The following SLC22A14 variants were observed in gnomAD, a reference collection of about 807,000 sequenced individuals.
The protein encoded by SLC22A14 is solute carrier family 22 member 14, also known as organic cation transporter-like 4.
In SLC22A14, 50 loss-of-function variants were observed where a neutral mutation model predicts 53.9. That is an observed-to-expected ratio of 0.93 (90% CI 0.74 to 1.17). The LOEUF (loss-of-function observed/expected upper bound fraction) is 1.17, where lower values mean the gene tolerates loss of function less well. SLC22A14 is among the 50% of genes most tolerant of loss of function. SLC22A14 has a pLI of 0.00. For missense variants in SLC22A14, 671 were observed against 734.7 expected, an observed-to-expected ratio of 0.91 and a Z score of 1.00; for synonymous variants, 312 against 303.0, an observed-to-expected ratio of 1.03 and a Z score of -0.31.
upstream of SLC22A14, among the ~76,000 whole-genome samples, chr3:38,279,192 C>T (rs530616501): frequency 1.2e-3 from 183 of 152,318 alleles, 1 homozygote; most frequent in Non-Finnish European, 2.2e-3. Flanking sequence ...CTTTGAAGTG[C>T]TAGACAAAAG....
chr3:38,315,739 A>G, intron 9 of SLC22A14, 28 bp downstream of exon 9: 1 of 1,603,152 alleles, frequency 6.2e-7, no homozygotes, highest in Non-Finnish European at 8.5e-7. Context: ...CGAGGGGGCC[A>G]TGGGGACATG....
chr3:38,318,471 TCAGTCCTTCTCCCAGGC>T lies in SLC22A14; in HGVS notation c.*226_*242del. 1.9e-6 allele frequency: 1 copy of T among 536,490 alleles called. No homozygotes were observed. The highest frequency in any genetic ancestry group is 2.7e-5 in the South Asian group (1 of 37,722). 33.2% of individuals were successfully genotyped at this position (536,490 alleles called of 1,614,324 possible). A position where few individuals can be genotyped will look rare whatever the true frequency, so the allele number is the denominator to read the frequency against. ...GGCCTAGTTCAGTCTGGGGGCAGGG[TCAGTCCTTCTCCCAGGC>T]CAGCCCTTGACATTAAAAAAAATGC... is the stretch of plus-strand genomic sequence containing the variant. On this transcript the variant is annotated 3_prime_UTR_variant, in exon 11 of 11. Coordinates refer to ENST00000448498, the MANE Select transcript of SLC22A14 (RefSeq NM_001320033.2).
chr3:38,296,243 G>C (rs892947979), intron 1 of SLC22A14, among the ~76,000 whole-genome samples: 4 of 152,206 alleles, frequency 2.6e-5, no homozygotes, highest in Admixed American at 6.5e-5. Context: ...AATGCTGGGA[G>C]TTCGGGATGA....
intron 1 of SLC22A14, among the ~76,000 whole-genome samples, chr3:38,290,693 C>T (rs1703893397): frequency 6.6e-6 from 1 of 152,210 alleles, no homozygotes; most frequent in Non-Finnish European, 1.5e-5. Flanking sequence ...GTTGGCTAGC[C>T]ATCCTGAGAG....
intron 1 of SLC22A14, among the ~76,000 whole-genome samples, chr3:38,289,920 A>G (rs773308522): frequency 2.0e-5 from 3 of 152,228 alleles, no homozygotes; most frequent in Non-Finnish European, 4.4e-5. Flanking sequence ...CAAAGGGGGT[A>G]GCTGTTGCTG....
upstream of SLC22A14, among the ~76,000 whole-genome samples, chr3:38,281,420 G>A (rs1428226821): frequency 1.3e-5 from 2 of 152,114 alleles, no homozygotes; most frequent in African/African-American, 4.8e-5. Flanking sequence ...CAGTTCTGGA[G>A]GCTGGGAAGT....
chr3:38,309,992 G>C (rs1350929793), intron 5 of SLC22A14, among the ~76,000 whole-genome samples: 4 of 152,190 alleles, frequency 2.6e-5, no homozygotes, highest in Non-Finnish European at 5.9e-5. Flanking sequence ...CAGCTAGAAA[G>C]TGGGGCACCT....
Position 38,316,513 on chromosome 3 carries a change from C to T in SLC22A14, c.1722C>T (p.Ser574=), listed in dbSNP as rs753783415. ...CCCTCTCCGAGAGCCTGAACCACTC[C>T]TCACAGATAAGGTAGGTGTGGGAGC... is the stretch of plus-strand genomic sequence containing the variant. ...DQPLSESLNH[S]SQIRNKVKDM... is the part of the protein sequence containing the mutation. The change falls in exon 10 of 11, where the codon TCC becomes TCT. Residue 574 remains serine (S), a synonymous_variant. Coordinates refer to ENST00000448498, the MANE Select transcript of SLC22A14 (RefSeq NM_001320033.2). The T allele has an allele frequency of 2.9e-5, 46 of 1,614,010 alleles. No homozygotes were observed. The highest frequency in any genetic ancestry group is 3.3e-5 in the Admixed American group (2 of 60,016).
At position 38,314,387 on chromosome 3, in the gene SLC22A14, G is replaced by A. The variant is rs138851174; in HGVS notation, c.1378+446G>A. 7.7e-3 allele frequency among the ~76,000 whole-genome samples: 1,166 copies of A among 152,342 alleles called. 7 individuals carry two copies. The highest frequency in any genetic ancestry group is 0.014 in the Non-Finnish European group (928 of 68,028). ...GGAATAACCTGACCACTGAAAAATT[G>A]AGTGTAATATGGGGCTCAGCACTCA... On this transcript the variant is annotated intron_variant, in intron 8 of 10. Transcript: ENST00000448498.
rs563501030 is a variant in SLC22A14 at position 38,286,377 on chromosome 3, G to A, written c.-1+4038G>A. ...TGTAGGCCACACGAGTTTCCTCTTCGTAAAATACCTGTTCAGGTCTTTGGC... is the reference window on the plus strand; with the variant it reads ...TGTAGGCCACACGAGTTTCCTCTTCATAAAATACCTGTTCAGGTCTTTGGC... On this transcript the variant is annotated intron_variant, in intron 1 of 10. Coordinates refer to ENST00000448498, the MANE Select transcript of SLC22A14 (RefSeq NM_001320033.2). Among the ~76,000 whole-genome samples the A allele has an allele frequency of 1.8e-3, 276 of 151,694 alleles. 1 individual carries two copies. Among genetic ancestry groups the A allele is most frequent in the African/African-American group, 6.5e-3 (270 of 41,372 alleles).
In SLC22A14 at chr3:38,307,340, C is replaced by G; in HGVS notation, c.603C>G (p.Phe201Leu). 6.2e-7 allele frequency: 1 copy of G among 1,613,526 alleles called. No individual in the cohort carries two copies. The highest frequency in any genetic ancestry group is 2.2e-5 in the East Asian group (1 of 44,890). Residue 201 changes from phenylalanine to leucine, a missense_variant, in exon 3 of 11, where the codon TTC (phenylalanine) becomes TTG (leucine). Transcript: ENST00000448498. This position sits in a 1 kb window ranked among gnomAD's most constrained non-coding sequence, Gnocchi z 4.4. ...GGCTCCCGATAGGCTCTCTCATCTTCAGGCTCATAACTGACAAGTGAGTCC... is the reference window on the plus strand; with the variant it reads ...GGCTCCCGATAGGCTCTCTCATCTTGAGGCTCATAACTGACAAGTGAGTCC... ...MAGLPIGSLIFRLITDKMGRY... is the reference protein window; with the variant it reads ...MAGLPIGSLILRLITDKMGRY...
chr3:38,301,726 T>G (rs1456960136), intron 1 of SLC22A14, among the ~76,000 whole-genome samples: 2 of 151,218 alleles, frequency 1.3e-5, no homozygotes, highest in Non-Finnish European at 1.5e-5. Flanking sequence ...AAAGGGATAC[T>G]TTTAATGTTT....
At chr3:38,281,370 G>A (rs1212739044), upstream of SLC22A14, among the ~76,000 whole-genome samples, 1 of 151,962 alleles carries the variant, frequency 6.6e-6, no homozygotes, top group Admixed American at 6.6e-5. Context: ...CAGACTGCTT[G>A]AAACTGAGTT....
rs923151333 is a variant in SLC22A14, at chr3:38,309,214, T to C, written c.944+92T>C. ...GGGTCCTTGAAGCTGTGGGAATGGG[T>C]GGGATTTCCCCTGGGAGAAAGTGCA... On this transcript the variant is annotated intron_variant, in intron 5 of 10. Transcript: ENST00000448498. 5.2e-6 allele frequency: 6 copies of C among 1,145,710 alleles called. No individual in the cohort carries two copies. The Middle Eastern group carries it at 6.0e-4, about 114-fold the overall frequency. The allele number at this position is 1,145,710 out of a possible 1,614,324, so 71.0% of individuals were successfully genotyped here. A position where few individuals can be genotyped will look rare whatever the true frequency, so the allele number is the denominator to read the frequency against.
chr3:38,312,782 T>C (rs1223991999), intron 5 of SLC22A14, among the ~76,000 whole-genome samples: 1 of 152,014 alleles, frequency 6.6e-6, no homozygotes, highest in Non-Finnish European at 1.5e-5. Flanking sequence ...GGGTGTTACC[T>C]AGCAGCAGTG....
At chr3:38,312,384 G>A (rs1704491805) in intron 5 of SLC22A14, among the ~76,000 whole-genome samples, 2 of 152,228 alleles carry the variant, frequency 1.3e-5, no homozygotes, top group African/African-American at 4.8e-5. Context: ...ATGCCAATCT[G>A]TGTGGATTCT....
chr3:38,306,491 C>T lies in SLC22A14; in HGVS notation c.465C>T (p.Cys155=), dbSNP rs1203544961. The T allele has an allele frequency of 6.2e-7, 1 of 1,614,152 alleles. No homozygotes were observed. The highest frequency in any genetic ancestry group is 1.7e-5 in the Admixed American group (1 of 60,024). Residue 155 remains cysteine, a synonymous_variant, in exon 2 of 11, where the codon TGC becomes TGT. Transcript: ENST00000448498. ...IQFGLNDTDT[C]QDGWIYPDAK... is the part of the protein sequence containing the mutation. The stretch of plus-strand genomic sequence containing the variant: ...TTGGCCTCAATGACACAGACACATG[C>T]CAAGATGGGTGGATCTATCCTGACG...
In SLC22A14 at chr3:38,308,938, C is replaced by T. The variant is rs1292782881; in HGVS notation, c.776-16C>T. ...CCTGACGTAACCATGGTTTTGTCCTCTTGGCCTCTGCACAGCCACTGAGTG... is the reference window on the plus strand; with the variant it reads ...CCTGACGTAACCATGGTTTTGTCCTTTTGGCCTCTGCACAGCCACTGAGTG... On this transcript the variant is annotated splice_polypyrimidine_tract_variant and intron_variant, in intron 4 of 10. Coordinates refer to ENST00000448498, the MANE Select transcript of SLC22A14 (RefSeq NM_001320033.2). 3 of 1,612,174 alleles carry T rather than the reference C, an allele frequency of 1.9e-6. No individual in the cohort carries two copies. Among genetic ancestry groups the T allele is most frequent in the South Asian group, 2.2e-5 (2 of 90,844 alleles).
intron 1 of SLC22A14, among the ~76,000 whole-genome samples, chr3:38,284,476 C>T (rs746358543): frequency 1.6e-4 from 25 of 152,222 alleles, no homozygotes; most frequent in Non-Finnish European, 3.5e-4. Context: ...GGCAAGGGCC[C>T]CTGGTGTCCC....
Sources: allele counts gnomAD v4.1 joint callset (sites outside exome capture counted in the v4.1 genomes callset), GRCh38; gene constraint gnomAD v4.1.1; non-coding constraint Gnocchi (gnomAD v3.1); transcripts MANE v1.5; gene names NCBI Gene and HGNC (gene_info 2026-07-23, HGNC 2026-07-21).